Variants in ABLIM1 observed in about 807,000 individuals in gnomAD.
ABLIM1 encodes the protein actin-binding LIM protein 1.
Under a neutral mutation model 107.0 loss-of-function variants are expected in ABLIM1, and 40 were observed. That is an observed-to-expected ratio of 0.37 (90% confidence interval 0.29 to 0.49). The LOEUF (loss-of-function observed/expected upper bound fraction) is 0.49, where lower values mean the gene tolerates loss of function less well. Among genes scored for constraint, ABLIM1 ranks in the 20% least tolerant of loss-of-function variants. ABLIM1 has a pLI of 0.97. For synonymous variants in ABLIM1, 357 were observed against 357.3 expected, an observed-to-expected ratio of 1.00 and a Z score of 0.01; for missense variants, 857 against 1,008.5, an observed-to-expected ratio of 0.85 and a Z score of 2.04.
intron 1 of ABLIM1, among the ~76,000 whole-genome samples, chr10:114,758,614 T>C (rs1024350038): frequency 6.6e-6 from 1 of 152,202 alleles, no homozygotes; most frequent in Non-Finnish European, 1.5e-5. Flanking sequence ...TTCATTCCTA[T>C]TTGGAGCTGA....
At chr10:114,585,725 C>T (rs767344002) in intron 2 of ABLIM1, among the ~76,000 whole-genome samples, 87 of 152,166 alleles carry the variant, frequency 5.7e-4, no homozygotes, top group Non-Finnish European at 1.0e-3. Flanking sequence ...TATGGTGATG[C>T]CAACTTCACC....
At chr10:114,458,531 C>T (rs1039859671) in intron 12 of ABLIM1, among the ~76,000 whole-genome samples, 5 of 152,096 alleles carry the variant, frequency 3.3e-5, no homozygotes, top group Non-Finnish European at 7.3e-5. Flanking sequence ...CTTACATCCC[C>T]AAATATAAAT....
At chr10:114,607,361 C>G (rs957153689) in intron 1 of ABLIM1, among the ~76,000 whole-genome samples, 1 of 151,990 alleles carries the variant, frequency 6.6e-6, no homozygotes, top group Non-Finnish European at 1.5e-5. Context: ...CGCCCGGCCT[C>G]TGGCGTTTTT....
chr10:114,766,097 C>T (rs2082886107), intron 1 of ABLIM1, among the ~76,000 whole-genome samples: 1 of 152,144 alleles, frequency 6.6e-6, no homozygotes, highest in Admixed American at 6.6e-5. Context: ...CTGCCATTTA[C>T]CAAGCTTAGC....
intron 2 of ABLIM1, among the ~76,000 whole-genome samples, chr10:114,594,437 T>G (rs2483583): frequency 0.29 from 43,493 of 152,122 alleles, 7,893 homozygotes; most frequent in African/African-American, 0.51. Flanking sequence ...TAAATCTTTG[T>G]GACTAGCTAT....
chr10:114,800,869 T>C, the ABLIM1 span, among the ~76,000 whole-genome samples: 1 of 151,860 alleles, frequency 6.6e-6, no homozygotes, highest in African/African-American at 2.4e-5. Context: ...GATCATGCCA[T>C]TGCACTCCAG....
At chr10:114,681,194 A>T (rs2080733300) in intron 1 of ABLIM1, among the ~76,000 whole-genome samples, 6 of 151,786 alleles carry the variant, frequency 4.0e-5, no homozygotes, top group Admixed American at 2.0e-4. Flanking sequence ...TATATTTTTT[A>T]TTTTAATTTT....
chr10:114,593,034 G>T (rs1172869749), intron 2 of ABLIM1, among the ~76,000 whole-genome samples: 1 of 28,460 alleles, frequency 3.5e-5, no homozygotes, highest in East Asian at 3.6e-4. Context: ...GTCACTCTGA[G>T]TATGGGGTAC....
At chr10:114,755,071 C>T (rs2082599299) in intron 1 of ABLIM1, among the ~76,000 whole-genome samples, 1 of 152,164 alleles carries the variant, frequency 6.6e-6, no homozygotes, top group African/African-American at 2.4e-5. Flanking sequence ...GGGCCACCGA[C>T]TGGTGCCAGT....
the ABLIM1 span, among the ~76,000 whole-genome samples, chr10:114,789,794 T>G: frequency 1.3e-5 from 2 of 151,192 alleles, no homozygotes; most frequent in Non-Finnish European, 3.0e-5. Context: ...TATATTTGTT[T>G]TTTTTTTTTT....
intron 2 of ABLIM1, among the ~76,000 whole-genome samples, chr10:114,591,661 CA>C (rs1387866756): frequency 1.3e-5 from 2 of 152,148 alleles, no homozygotes; most frequent in African/African-American, 4.8e-5. Context: ...ACAAAAATAT[CA>C]ACTGAAACCA....
At chr10:114,587,667 G>A (rs145642548) in intron 2 of ABLIM1, among the ~76,000 whole-genome samples, 2 of 152,258 alleles carry the variant, frequency 1.3e-5, no homozygotes, top group Non-Finnish European at 2.9e-5. Context: ...CCACACCTGT[G>A]TCCTCACCGC....
At chr10:114,456,100 C>T (rs1388770440) in intron 12 of ABLIM1, among the ~76,000 whole-genome samples, 2 of 152,176 alleles carry the variant, frequency 1.3e-5, no homozygotes, top group African/African-American at 4.8e-5. Flanking sequence ...AGGCGTGAGC[C>T]ACCGCACCCG....
chr10:114,559,867 C>T (rs2069412056), intron 4 of ABLIM1, among the ~76,000 whole-genome samples: 2 of 152,136 alleles, frequency 1.3e-5, no homozygotes, highest in Non-Finnish European at 2.9e-5. Context: ...TGGTCCTCTG[C>T]TCAAATTATG....
rs146107363 is a variant in ABLIM1, at chr10:114,441,323, T to C, written c.1999-246A>G. On this transcript the variant is annotated intron_variant, in intron 18 of 22. Transcript: ENST00000533213. ...CTCTTGCTGATAAATAAAAATGCAT[T>C]GTCCTACATAGTTACATAATTGTAT... is the stretch of plus-strand genomic sequence containing the variant. Among the ~76,000 whole-genome samples the C allele has an allele frequency of 5.7e-3, 866 of 152,336 alleles. 8 individuals are homozygous for C. The highest frequency in any genetic ancestry group is 0.02 in the African/African-American group (829 of 41,568).
intron 6 of ABLIM1, chr10:114,526,948 C>T (rs982494088): frequency 1.0e-6 from 1 of 985,372 alleles, no homozygotes; most frequent in African/African-American, 1.7e-5. Context: ...TAGTTCAACA[C>T]ACCAGCAACC....
chr10:114,546,054 C>T (rs1391273580), intron 5 of ABLIM1, among the ~76,000 whole-genome samples: 1 of 152,112 alleles, frequency 6.6e-6, no homozygotes, highest in African/African-American at 2.4e-5. Flanking sequence ...CAGACACCAC[C>T]TCCTCAGCTC....
At chr10:114,774,140 T>A in the ABLIM1 span, among the ~76,000 whole-genome samples, 1 of 152,110 alleles carries the variant, frequency 6.6e-6, no homozygotes, top group African/African-American at 2.4e-5. Flanking sequence ...AATGAGATTA[T>A]AAACTGGAAT....
intron 1 of ABLIM1, among the ~76,000 whole-genome samples, chr10:114,720,699 G>C (rs2081823564): frequency 1.3e-5 from 2 of 151,692 alleles, no homozygotes; most frequent in African/African-American, 4.8e-5. Context: ...TCAACTATGG[G>C]AGTAACAAGA....
Sources: gnomAD v4.1 joint callset for allele counts (sites outside exome capture counted in the v4.1 genomes callset) on GRCh38, gnomAD v4.1.1 for gene constraint, MANE v1.5 for transcripts, NCBI Gene and HGNC (gene_info 2026-07-23, HGNC 2026-07-21) for gene names.